The following SOS1 variants were observed in gnomAD, a reference collection of about 807,000 sequenced individuals.
SOS1 encodes SOS Ras/Rac guanine nucleotide exchange factor 1.
In SOS1, 25 loss-of-function variants were observed where a neutral mutation model predicts 157.6. That is an observed-to-expected ratio of 0.16 (90% CI 0.12 to 0.22). SOS1 has a LOEUF of 0.22. Among genes scored for constraint, SOS1 ranks in the 10% least tolerant of loss-of-function variants. SOS1 has a pLI of 1.00. For missense variants in SOS1, 1,237 were observed against 1,599.1 expected, an observed-to-expected ratio of 0.77 and a Z score of 3.86; for synonymous variants, 528 against 534.0, an observed-to-expected ratio of 0.99 and a Z score of 0.16.
At chr2:39,027,940 C>A (rs1328927514) in intron 8 of SOS1, among the ~76,000 whole-genome samples, 1 of 151,854 alleles carries the variant, frequency 6.6e-6, no homozygotes, top group Non-Finnish European at 1.5e-5. Flanking sequence ...AAGCGATTCT[C>A]CTACCTCAGC....
At chr2:39,103,871 G>C (rs1444761749) in intron 1 of SOS1, among the ~76,000 whole-genome samples, 1 of 152,144 alleles carries the variant, frequency 6.6e-6, no homozygotes, top group Non-Finnish European at 1.5e-5. Flanking sequence ...TTTTGATTGG[G>C]TTTAAATGAG....
chr2:39,099,861 C>T (rs1394006851), intron 1 of SOS1, among the ~76,000 whole-genome samples: 1 of 152,128 alleles, frequency 6.6e-6, no homozygotes, highest in Non-Finnish European at 1.5e-5. Context: ...GCCTCAGCCT[C>T]TGGAGTAGCC....
chr2:39,058,555 A>G lies in SOS1; in HGVS notation c.345+118T>C, dbSNP rs1671293622. The G allele has an allele frequency of 1.0e-5, 11 of 1,078,578 alleles. No individual in the cohort carries two copies. The South Asian group carries it at 1.6e-4, about 15-fold the overall frequency. The allele number at this position is 1,078,578 out of a possible 1,614,324, so 66.8% of individuals were successfully genotyped here. A position where few individuals can be genotyped will look rare whatever the true frequency, so the allele number is the denominator to read the frequency against. On this transcript the variant is annotated intron_variant, in intron 3 of 22. Coordinates refer to ENST00000402219, the MANE Select transcript of SOS1 (RefSeq NM_005633.4). ...CCACATAAATCTCTGGAAAACTTAG[A>G]ATGAGAGAATTTTACTCTTAAGTTG...
At chr2:38,995,530 G>T in intron 19 of SOS1, 143 bp from the exon 20 acceptor site, 1 of 670,066 alleles carries the variant, frequency 1.5e-6, no homozygotes, top group East Asian at 2.8e-5. Flanking sequence ...AATAAAAGTA[G>T]AACATTTAAA....
At position 39,012,320 on chromosome 2, in the gene SOS1, G is replaced by T. The variant is rs1669496117; in HGVS notation, c.2196C>A (p.Ser732=). 1 of 1,606,312 alleles carries T rather than the reference G, an allele frequency of 6.2e-7. No individual in the cohort carries two copies. Among genetic ancestry groups the T allele is most frequent in the East Asian group, 2.2e-5 (1 of 44,796 alleles). The change falls in exon 14 of 23, where the codon TCC becomes TCA. Residue 732 remains serine, a synonymous_variant. Coordinates refer to ENST00000402219, the MANE Select transcript of SOS1 (RefSeq NM_005633.4). ...TTTTCCTTTGGATTATTTTAGTGAT[G>T]GATTCAACCCATTTTTTCATTGCTT... ...RGKAMKKWVE[S]ITKIIQRKKI...
chr2:39,014,075 C>A, intron 11 of SOS1, 86 bp from the exon 12 acceptor site: 1 of 983,724 alleles, frequency 1.0e-6, no homozygotes, highest in Non-Finnish European at 1.6e-6. Flanking sequence ...CACCAGTCAG[C>A]AAAATCAAGA....
intron 1 of SOS1, among the ~76,000 whole-genome samples, chr2:39,109,763 G>C (rs983951043): frequency 1.3e-5 from 2 of 152,174 alleles, no homozygotes; most frequent in Admixed American, 1.3e-4. Flanking sequence ...GGGTACAACA[G>C]AGATAAGCAT....
chr2:39,059,999 T>C (rs1671344661), intron 2 of SOS1, among the ~76,000 whole-genome samples: 1 of 151,968 alleles, frequency 6.6e-6, no homozygotes, highest in African/African-American at 2.4e-5. Context: ...TAAAACGCAA[T>C]ACAAAGGCCC....
chr2:39,074,792 G>C (rs776479032), intron 1 of SOS1, among the ~76,000 whole-genome samples: 1 of 151,820 alleles, frequency 6.6e-6, no homozygotes, highest in Non-Finnish European at 1.5e-5. Context: ...GCTTGAACCC[G>C]GGAGGCGGAG....
At position 39,037,616 on chromosome 2, in the gene SOS1, CTT is replaced by C. The variant is rs35085177; in HGVS notation, c.865-2118_865-2117del. 4.7e-3 allele frequency among the ~76,000 whole-genome samples: 694 copies of C among 148,730 alleles called. 8 individuals carry two copies. Among genetic ancestry groups the C allele is most frequent in the African/African-American group, 0.015 (607 of 40,686 alleles). Reference sequence around the variant, plus strand: ...CTTTATTGTGCTTTGCATATATTGCCTTTTTTTTTTTTAACAAGTTGAAGATT... The same window carrying C: ...CTTTATTGTGCTTTGCATATATTGCCTTTTTTTTTTAACAAGTTGAAGATT... On this transcript the variant is annotated intron_variant, in intron 6 of 22. Coordinates refer to ENST00000402219, the MANE Select transcript of SOS1 (RefSeq NM_005633.4).
At chr2:39,084,084 GGA>G (rs939378045) in intron 1 of SOS1, among the ~76,000 whole-genome samples, 14 of 152,084 alleles carry the variant, frequency 9.2e-5, no homozygotes, top group African/African-American at 3.1e-4. Context: ...TATAAGCCAA[GGA>G]GAGAGACCTC....
intron 1 of SOS1, among the ~76,000 whole-genome samples, chr2:39,111,776 C>T (rs1241822702): frequency 6.7e-6 from 1 of 150,010 alleles, no homozygotes; most frequent in African/African-American, 2.5e-5. Context: ...GTTGCCCAGG[C>T]TGGAGTGCAG....
In SOS1 at chr2:38,984,825, G is replaced by A. The variant is rs1415661521; in HGVS notation, c.*999C>T. Reference sequence around the variant, plus strand: ...TATACATATGATTTAGGCAATGCAAGATAATTCTAGATATGCTGATTACTC... The same window carrying A: ...TATACATATGATTTAGGCAATGCAAAATAATTCTAGATATGCTGATTACTC... On this transcript the variant is annotated 3_prime_UTR_variant, in exon 23 of 23. Transcript: ENST00000402219. The A allele has an allele frequency of 6.6e-6, 1 of 152,154 alleles. No individual in the cohort carries two copies. The highest frequency in any genetic ancestry group is 1.5e-5 in the Non-Finnish European group (1 of 68,024). The allele number at this position is 152,154 out of a possible 1,614,324, so 9.4% of individuals were successfully genotyped here.
At chr2:38,998,071 A>G (rs1019283675) in intron 17 of SOS1, among the ~76,000 whole-genome samples, 1 of 152,170 alleles carries the variant, frequency 6.6e-6, no homozygotes, top group South Asian at 2.1e-4. Flanking sequence ...CTGGTCTTCA[A>G]TAGTTTGTAG....
chr2:39,069,665 C>T (rs1001791814), intron 1 of SOS1, among the ~76,000 whole-genome samples: 1 of 151,758 alleles, frequency 6.6e-6, no homozygotes, highest in African/African-American at 2.4e-5. Flanking sequence ...CTCCTGCCTC[C>T]GCCTCCCTAG....
At chr2:38,990,293 A>T (rs956258668) in intron 20 of SOS1, among the ~76,000 whole-genome samples, 6 of 152,110 alleles carry the variant, frequency 3.9e-5, no homozygotes, top group Admixed American at 2.0e-4. Flanking sequence ...CCTAATTTCA[A>T]ATAATCTGTC....
chr2:39,091,466 C>T (rs1369089789), intron 1 of SOS1, among the ~76,000 whole-genome samples: 2 of 151,918 alleles, frequency 1.3e-5, no homozygotes, highest in African/African-American at 4.8e-5. Flanking sequence ...GTCTATAAGC[C>T]CCTTAACTCT....
At position 39,012,264 on chromosome 2, in the gene SOS1, T is replaced by A. The variant is rs1317993786; in HGVS notation, c.2252A>T (p.Asn751Ile). ...KIARDNGPGH[N>I]ITFQSSPPTV... ...GGGAGGTGAACTCTGAAATGTAATA[T>A]TATGACCTGGTCCATTGTCTCTTGC... Residue 751 changes from asparagine (N) to isoleucine (I), a missense_variant, in exon 14 of 23, where the codon AAT becomes ATT. Asn to Ile is a moderately radical substitution (Grantham distance 149). Coordinates refer to ENST00000402219, the MANE Select transcript of SOS1 (RefSeq NM_005633.4). 1.9e-6 allele frequency: 3 copies of A among 1,613,572 alleles called. No homozygotes were observed. Among genetic ancestry groups the A allele is most frequent in the South Asian group, 1.1e-5 (1 of 91,072 alleles).
intron 2 of SOS1, among the ~76,000 whole-genome samples, chr2:39,065,548 C>G (rs1050264595): frequency 6.6e-6 from 1 of 152,190 alleles, no homozygotes; most frequent in East Asian, 1.9e-4. Context: ...TGATCTCAAT[C>G]TGCTCTATTT....
Sources: gnomAD v4.1 joint callset for allele counts (sites outside exome capture counted in the v4.1 genomes callset) on GRCh38, gnomAD v4.1.1 for gene constraint, MANE v1.5 for transcripts, NCBI Gene and HGNC (gene_info 2026-07-23, HGNC 2026-07-21) for gene names.